Variants in PCDH15 observed in about 807,000 individuals in gnomAD.
The protein encoded by PCDH15 is protocadherin related 15.
A neutral mutation model predicts 178.5 loss-of-function variants in PCDH15; 129 were observed. The ratio of observed to expected loss-of-function variants is 0.72; its 90% CI spans 0.63 to 0.84. PCDH15 has a LOEUF of 0.84. Among genes scored for constraint, PCDH15 ranks in the 40% least tolerant of loss-of-function variants. PCDH15 has a pLI of 0.00. For missense variants in PCDH15, 2,230 were observed against 2,099.9 expected, an observed-to-expected ratio of 1.06 and a Z score of -1.21; for synonymous variants, 800 against 732.0, an observed-to-expected ratio of 1.09 and a Z score of -1.50.
intron 15 of PCDH15, among the ~76,000 whole-genome samples, chr10:54,123,057 T>C (rs961947860): frequency 5.9e-5 from 9 of 152,182 alleles, no homozygotes; most frequent in African/African-American, 2.2e-4. Context: ...GAACTAAAAC[T>C]ATAAGAATCC....
intron 2 of PCDH15, among the ~76,000 whole-genome samples, chr10:55,571,659 T>C (rs1842409508): frequency 6.6e-6 from 1 of 152,104 alleles, no homozygotes; most frequent in Non-Finnish European, 1.5e-5. Flanking sequence ...ATAATTGTAT[T>C]TCAAGTATTA....
chr10:54,379,564 GTGAT>G (rs570371999), intron 3 of PCDH15, among the ~76,000 whole-genome samples: 167 of 151,782 alleles, frequency 1.1e-3, no homozygotes, highest in Middle Eastern at 6.8e-3. Context: ...TAACATTTCA[GTGAT>G]TGCTTTCTTA....
In PCDH15 at chr10:53,913,575, A is replaced by T. The variant is rs563243756; in HGVS notation, c.3374-10205T>A. 2.1e-4 allele frequency among the ~76,000 whole-genome samples: 15 copies of T among 71,656 alleles called. No homozygotes were observed. The South Asian group carries it at 9.3e-3, about 44-fold the overall frequency. The allele number at this position is 71,656 out of a possible 152,430, so 47.0% of individuals were successfully genotyped here. On this transcript the variant is annotated intron_variant, in intron 25 of 37. Coordinates refer to ENST00000644397, the MANE Select transcript of PCDH15 (RefSeq NM_001384140.1). Reference sequence around the variant, plus strand: ...GGTGAAATCCCGTCTCCACTAAAAGATACAAAAAAAAAAAAAAAATTAGCT... The same window carrying T: ...GGTGAAATCCCGTCTCCACTAAAAGTTACAAAAAAAAAAAAAAAATTAGCT...
intron 25 of PCDH15, among the ~76,000 whole-genome samples, chr10:53,906,324 T>C (rs2082680456): frequency 6.6e-6 from 1 of 152,140 alleles, no homozygotes; most frequent in South Asian, 2.1e-4. Flanking sequence ...AATGCTATAG[T>C]GCACTAAAAA....
At position 54,923,570 on chromosome 10, in the gene PCDH15, C is replaced by T. The variant is rs1268740958; in HGVS notation, c.-79-26070G>A. On this transcript the variant is annotated intron_variant, in intron 2 of 5. Transcript: ENST00000458638. ...ACATGTGAGCTTATGCTCTTAGAAG[C>T]AGCCAGGTCACAATTTGAACACTTT... Among the ~76,000 whole-genome samples, 2 of 137,886 alleles carry T rather than the reference C, an allele frequency of 1.5e-5. 1 individual carries two copies. The highest frequency in any genetic ancestry group is 3.4e-5 in the Non-Finnish European group (2 of 59,312). 90.5% of individuals were successfully genotyped at this position (137,886 alleles called of 152,430 possible). A position where few individuals can be genotyped will look rare whatever the true frequency, so the allele number is the denominator to read the frequency against.
intron 21 of PCDH15, among the ~76,000 whole-genome samples, chr10:53,980,783 T>A (rs1327171568): frequency 6.6e-6 from 1 of 152,204 alleles, no homozygotes; most frequent in Non-Finnish European, 1.5e-5. Context: ...CAGTCAATAA[T>A]TTTCATATAC....
At chr10:55,476,839 G>T (rs1461604324) in intron 2 of PCDH15, among the ~76,000 whole-genome samples, 2 of 151,884 alleles carry the variant, frequency 1.3e-5, no homozygotes, top group South Asian at 2.1e-4. Context: ...CAAAGAAATA[G>T]ATTCTGTAGA....
chr10:55,065,001 A>C (rs958549379), intron 2 of PCDH15, among the ~76,000 whole-genome samples: 13 of 152,042 alleles, frequency 8.6e-5, no homozygotes, highest in Admixed American at 7.2e-4. Context: ...CTTGCAGTTT[A>C]ATAGCAAAAT....
At chr10:55,289,757 T>G (rs1367269563) in intron 1 of PCDH15, among the ~76,000 whole-genome samples, 3 of 152,086 alleles carry the variant, frequency 2.0e-5, no homozygotes, top group Non-Finnish European at 2.9e-5. Flanking sequence ...TTAATCACTA[T>G]TGTAACAATA....
At chr10:55,511,741 CAGTTA>C (rs1840889870) in intron 2 of PCDH15, among the ~76,000 whole-genome samples, 2 of 151,976 alleles carry the variant, frequency 1.3e-5, no homozygotes, top group Non-Finnish European at 2.9e-5. Flanking sequence ...TTAGTTGATT[CAGTTA>C]TGTATTCGCT....
At chr10:54,281,384 T>C (rs1193244743) in intron 8 of PCDH15, among the ~76,000 whole-genome samples, 1 of 151,988 alleles carries the variant, frequency 6.6e-6, no homozygotes, top group Non-Finnish European at 1.5e-5. Context: ...AAAAGATTTG[T>C]GGATATGACA....
intron 2 of PCDH15, among the ~76,000 whole-genome samples, chr10:55,356,311 A>C (rs1845079200): frequency 6.6e-6 from 1 of 151,806 alleles, no homozygotes; most frequent in African/African-American, 2.4e-5. Context: ...GAAGAACACA[A>C]AGAAAAAAAG....
At chr10:54,577,010 C>G (rs1175769232) in intron 2 of PCDH15, among the ~76,000 whole-genome samples, 4 of 152,004 alleles carry the variant, frequency 2.6e-5, no homozygotes, top group African/African-American at 9.7e-5. Flanking sequence ...GATGGCTGAA[C>G]ACCTAGGGGA....
intron 11 of PCDH15, among the ~76,000 whole-genome samples, chr10:54,191,372 C>T (rs146094654): frequency 0.013 from 2,010 of 152,208 alleles, 21 homozygotes; most frequent in Non-Finnish European, 0.022. Flanking sequence ...GCTCTAAACA[C>T]TGAGTATAAG....
chr10:54,465,188 G>A (rs117716221), intron 3 of PCDH15, among the ~76,000 whole-genome samples: 5,357 of 151,944 alleles, frequency 0.035, 145 homozygotes, highest in South Asian at 0.11. Flanking sequence ...TGTTACACGC[G>A]TATAACATGT....
At chr10:55,344,176 T>G (rs1484436737) in intron 2 of PCDH15, among the ~76,000 whole-genome samples, 5 of 152,116 alleles carry the variant, frequency 3.3e-5, no homozygotes, top group Non-Finnish European at 7.4e-5. Flanking sequence ...CAAGGAATAT[T>G]AAGAAGTCCA....
intron 3 of PCDH15, among the ~76,000 whole-genome samples, chr10:54,819,101 T>C (rs570614449): frequency 6.6e-6 from 1 of 152,020 alleles, no homozygotes; most frequent in African/African-American, 2.4e-5. Flanking sequence ...AGAATATAAA[T>C]TATTTCAGAA....
intron 4 of PCDH15, among the ~76,000 whole-genome samples, chr10:54,372,209 T>G (rs968976988): frequency 3.3e-5 from 5 of 152,004 alleles, no homozygotes; most frequent in African/African-American, 1.2e-4. Context: ...AAGAGAGACC[T>G]ATAAAAACAT....
chr10:55,251,171 A>G (rs1056265299), intron 1 of PCDH15, among the ~76,000 whole-genome samples: 1 of 151,900 alleles, frequency 6.6e-6, no homozygotes, highest in African/African-American at 2.4e-5. Context: ...AAATTTCCCC[A>G]GTTTTACTTG....
Sources: gnomAD v4.1 joint callset for allele counts (sites outside exome capture counted in the v4.1 genomes callset) on GRCh38, gnomAD v4.1.1 for gene constraint, MANE v1.5 for transcripts, NCBI Gene and HGNC (gene_info 2026-07-23, HGNC 2026-07-21) for gene names.